CFTR: variants seen among roughly 807,000 people sequenced by gnomAD.
CFTR encodes the protein CF transmembrane conductance regulator.
CFTR carries 181 observed loss-of-function variants against 171.6 expected under a neutral mutation model. That is an observed-to-expected ratio of 1.05 (90% confidence interval 0.93 to 1.19). CFTR has a LOEUF of 1.19. CFTR is among the 50% of genes most tolerant of loss of function. The pLI is 0.00. For synonymous variants in CFTR, 583 were observed against 608.0 expected, an observed-to-expected ratio of 0.96 and a Z score of 0.60; for missense variants, 1,968 against 1,734.7, an observed-to-expected ratio of 1.13 and a Z score of -2.39.
intron 24 of CFTR, among the ~76,000 whole-genome samples, chr7:117,663,189 G>T (rs17549557): frequency 0.23 from 34,849 of 152,012 alleles, 4,309 homozygotes; most frequent in South Asian, 0.24. Context: ...ATAGACCATA[G>T]CAGCTTCATA....
chr7:117,601,400 C>T lies in CFTR; in HGVS notation c.2620-1426C>T, dbSNP rs377668680. Among the ~76,000 whole-genome samples the T allele has an allele frequency of 2.0e-5, 3 of 151,962 alleles. No homozygotes were observed. The East Asian group carries it at 5.8e-4, about 29-fold the overall frequency. ...AAAAGTAGGAAAGTGAGAAAAATGC[C>T]ATTAGATTTTTCATCGTTATACTAT... On this transcript the variant is annotated intron_variant, in intron 15 of 26. Coordinates refer to ENST00000003084, the MANE Select transcript of CFTR (RefSeq NM_000492.4).
At chr7:117,549,296 T>C (rs1799228545) in intron 10 of CFTR, among the ~76,000 whole-genome samples, 1 of 152,180 alleles carries the variant, frequency 6.6e-6, no homozygotes, top group South Asian at 2.1e-4. Flanking sequence ...AAAAATTATT[T>C]AGTGGGATAG....
chr7:117,636,562 G>T lies in CFTR; in HGVS notation c.3718-5876G>T, dbSNP rs1792829830. On this transcript the variant is annotated intron_variant, in intron 22 of 26. Coordinates refer to ENST00000003084, the MANE Select transcript of CFTR (RefSeq NM_000492.4). Reference sequence around the variant, plus strand: ...GTTTTTGTAGTCATCCCGCTGTTTTGGATATTCTGTTTTTTTCAGTTTTTT... The same window carrying T: ...GTTTTTGTAGTCATCCCGCTGTTTTTGATATTCTGTTTTTTTCAGTTTTTT... Among the ~76,000 whole-genome samples, 3 of 151,124 alleles carry T rather than the reference G, an allele frequency of 2.0e-5. No individual in the cohort carries two copies. The South Asian group carries it at 6.3e-4, about 32-fold the overall frequency.
At chr7:117,482,021 A>G (rs528071559) in intron 1 of CFTR, among the ~76,000 whole-genome samples, 3 of 152,320 alleles carry the variant, frequency 2.0e-5, no homozygotes, top group Admixed American at 6.5e-5. Context: ...GTTAACTGCT[A>G]TTATTATGGA....
At chr7:117,602,535 T>C (rs973092697) in intron 15 of CFTR, among the ~76,000 whole-genome samples, 1 of 152,348 alleles carries the variant, frequency 6.6e-6, no homozygotes, top group Middle Eastern at 3.4e-3. Context: ...TGATCTTGGC[T>C]TTCTTGTGAG....
chr7:117,624,510 G>T (rs1227332311), intron 21 of CFTR, among the ~76,000 whole-genome samples: 1 of 152,178 alleles, frequency 6.6e-6, no homozygotes, highest in Non-Finnish European at 1.5e-5. Flanking sequence ...GTCATGCAAG[G>T]CACAGGAAGC....
In CFTR at chr7:117,586,081, A is replaced by C. The variant is rs1426129897; in HGVS notation, c.1585-1658A>C. On this transcript the variant is annotated intron_variant, in intron 11 of 26. Transcript: ENST00000003084. ...CCTCACTAAAGGAGCACTTGCATGA[A>C]CACCTCTAAATTACCTTATTACCTT... 3.9e-5 allele frequency: 6 copies of C among 152,218 alleles called. No individual in the cohort carries two copies. The East Asian group carries it at 1.2e-3, about 29-fold the overall frequency. 9.4% of individuals were successfully genotyped at this position (152,218 alleles called of 1,614,324 possible).
intron 1 of CFTR, among the ~76,000 whole-genome samples, chr7:117,498,484 A>G (rs563990872): frequency 2.6e-5 from 4 of 152,328 alleles, no homozygotes; most frequent in African/African-American, 7.2e-5. Flanking sequence ...CTTGAAGCCT[A>G]CAAGTTTTAC....
rs397508349 is a variant in CFTR at position 117,592,355 on chromosome 7, G to T, written c.2188G>T (p.Glu730Ter). The change falls in exon 14 of 27, where the codon GAG becomes TAG. Residue 730 changes from glutamate (E) to a stop codon, truncating the protein, a stop_gained. Coordinates refer to ENST00000003084, the MANE Select transcript of CFTR (RefSeq NM_000492.4). LOFTEE classifies it high-confidence loss of function. ...GAATGGCATCGAAGAGGATTCTGAT[G>T]AGCCTTTAGAGAGAAGGCTGTCCTT... ...QMNGIEEDSDEPLERRLSLVP... is the reference protein window; with the variant it reads ...QMNGIEEDSD 6.2e-7 allele frequency: 1 copy of T among 1,614,098 alleles called. No individual in the cohort carries two copies. The highest frequency in any genetic ancestry group is 8.5e-7 in the Non-Finnish European group (1 of 1,179,944).
intron 1 of CFTR, among the ~76,000 whole-genome samples, chr7:117,491,153 T>C (rs1483495100): frequency 2.0e-5 from 3 of 152,068 alleles, no homozygotes; most frequent in Non-Finnish European, 4.4e-5. Context: ...TACTGAATAC[T>C]GCAGGCAGTT....
intron 24 of CFTR, among the ~76,000 whole-genome samples, chr7:117,659,263 A>C (rs1479090808): frequency 6.6e-6 from 1 of 152,148 alleles, no homozygotes; most frequent in Admixed American, 6.5e-5. Flanking sequence ...GGTGTACCCT[A>C]TAACTCCACC....
intron 1 of CFTR, among the ~76,000 whole-genome samples, chr7:117,480,361 A>G (rs917074981): frequency 7.2e-5 from 11 of 152,262 alleles, no homozygotes; most frequent in African/African-American, 2.7e-4. Flanking sequence ...ATAGAGAGCC[A>G]CATCTACTTG....
At chr7:117,521,005 C>T (rs1392133700) in intron 3 of CFTR, among the ~76,000 whole-genome samples, 1 of 151,854 alleles carries the variant, frequency 6.6e-6, no homozygotes, top group East Asian at 1.9e-4. Flanking sequence ...TTAAGACTCT[C>T]CATTTATTTG....
intron 1 of CFTR, among the ~76,000 whole-genome samples, chr7:117,486,692 A>G (rs564349105): frequency 6.6e-6 from 1 of 150,792 alleles, no homozygotes; most frequent in East Asian, 2.0e-4. Flanking sequence ...GGGTCTGGAA[A>G]CTCTAGCAGG....
At chr7:117,481,474 A>G (rs1797999464) in intron 1 of CFTR, among the ~76,000 whole-genome samples, 1 of 152,202 alleles carries the variant, frequency 6.6e-6, no homozygotes, top group Non-Finnish European at 1.5e-5. Context: ...ATACTAATGA[A>G]CTTTAAAATA....
chr7:117,577,166 C>T (rs1791784418), intron 11 of CFTR, among the ~76,000 whole-genome samples: 1 of 152,062 alleles, frequency 6.6e-6, no homozygotes, highest in African/African-American at 2.4e-5. Flanking sequence ...TGTGAAAACA[C>T]AAAGTGATGG....
intron 9 of CFTR, among the ~76,000 whole-genome samples, chr7:117,543,298 T>C: frequency 6.6e-6 from 1 of 152,248 alleles, no homozygotes; most frequent in Non-Finnish European, 1.5e-5. Context: ...CAAAATTGTT[T>C]TGTAGAAAAG....
chr7:117,560,017 G>A (rs1562898668), intron 11 of CFTR, among the ~76,000 whole-genome samples: 1 of 151,740 alleles, frequency 6.6e-6, no homozygotes, highest in Non-Finnish European at 1.5e-5. Context: ...CACAAAATAT[G>A]CATCTTTAAA....
chr7:117,576,839 G>A (rs1473093818), intron 11 of CFTR, among the ~76,000 whole-genome samples: 1 of 151,698 alleles, frequency 6.6e-6, no homozygotes, highest in Non-Finnish European at 1.5e-5. Flanking sequence ...TGAAATGAGA[G>A]GCTATACCTT....
Sources: allele counts gnomAD v4.1 joint callset (sites outside exome capture counted in the v4.1 genomes callset), GRCh38; gene constraint gnomAD v4.1.1; transcripts MANE v1.5; gene names NCBI Gene and HGNC (gene_info 2026-07-23, HGNC 2026-07-21).